SERPINI1: variants seen among roughly 807,000 people sequenced by gnomAD.
SERPINI1 encodes neuroserpin.
In SERPINI1, 19 loss-of-function variants were observed where a neutral mutation model predicts 41.1. The ratio of observed to expected loss-of-function variants is 0.46; its 90% CI spans 0.32 to 0.68. The LOEUF (loss-of-function observed/expected upper bound fraction) is 0.68, where lower values mean the gene tolerates loss of function less well. Ranked by LOEUF, SERPINI1 falls within the 30% of genes least tolerant of loss-of-function variation. The pLI is 0.03. For missense variants in SERPINI1, 460 were observed against 479.2 expected (o/e 0.96, Z 0.37); for synonymous variants, 138 against 156.6 (o/e 0.88, Z 0.89).
chr3:167,782,202 T>C (rs1459551746), intron 1 of SERPINI1, among the ~76,000 whole-genome samples: 1 of 152,210 alleles, frequency 6.6e-6, no homozygotes, highest in African/African-American at 2.4e-5. Flanking sequence ...AATGTATTGA[T>C]TATTATGATT....
At chr3:167,766,397 T>C (rs1390630557) in intron 1 of SERPINI1, among the ~76,000 whole-genome samples, 2 of 152,116 alleles carry the variant, frequency 1.3e-5, no homozygotes. Context: ...TCAGATCCCT[T>C]GAGATTTATT....
chr3:167,745,148 G>C (rs539764756), intron 1 of SERPINI1, among the ~76,000 whole-genome samples: 2 of 151,484 alleles, frequency 1.3e-5, no homozygotes, highest in East Asian at 3.9e-4. Context: ...TTAAGAAATA[G>C]AAAATTCAAA....
chr3:167,787,324 G>T lies in SERPINI1; in HGVS notation c.-18-1787G>T, dbSNP rs1203994895. Among the ~76,000 whole-genome samples, 10 of 152,300 alleles carry T rather than the reference G, an allele frequency of 6.6e-5. No individual in the cohort carries two copies. The South Asian group carries it at 1.4e-3, about 22-fold the overall frequency. ...TATGGTATAGTAAATACATAAACCAGTAACACAGTCATTTATTATCATTAT... is the reference window on the plus strand; with the variant it reads ...TATGGTATAGTAAATACATAAACCATTAACACAGTCATTTATTATCATTAT... On this transcript the variant is annotated intron_variant, in intron 1 of 8. Transcript: ENST00000446050.
At chr3:167,822,369 A>G (rs1712364369) in intron 6 of SERPINI1, among the ~76,000 whole-genome samples, 1 of 152,220 alleles carries the variant, frequency 6.6e-6, no homozygotes, top group Admixed American at 6.5e-5. Flanking sequence ...AGGCATAAAT[A>G]GGAAGGGAAA....
intron 1 of SERPINI1, among the ~76,000 whole-genome samples, chr3:167,736,817 A>G (rs909069626): frequency 6.6e-6 from 1 of 152,202 alleles, no homozygotes; most frequent in African/African-American, 2.4e-5. Flanking sequence ...CCTTTGTGTA[A>G]TTATGACAAA....
At chr3:167,756,745 C>T (rs1341478971) in intron 1 of SERPINI1, among the ~76,000 whole-genome samples, 1 of 152,164 alleles carries the variant, frequency 6.6e-6, no homozygotes. Context: ...GCCATAAAAG[C>T]AATTTCTAGT....
chr3:167,785,114 G>A (rs1302527474), intron 1 of SERPINI1, among the ~76,000 whole-genome samples: 11 of 152,040 alleles, frequency 7.2e-5, no homozygotes, highest in Non-Finnish European at 1.5e-4. Flanking sequence ...GGTGGCATGC[G>A]CCTGTAGTAG....
In SERPINI1 at chr3:167,824,395, G is replaced by A. The variant is rs1712446915; in HGVS notation, c.1067-78G>A. ...TGTTGTCTTTGCATTAGGTGGATAG[G>A]CATAGATGGTTTTGAGGAATTACTC... On this transcript the variant is annotated intron_variant, in intron 7 of 8. Coordinates refer to ENST00000446050, the MANE Select transcript of SERPINI1 (RefSeq NM_001122752.2). The A allele has an allele frequency of 2.9e-6, 3 of 1,044,482 alleles. No individual in the cohort carries two copies. In the South Asian group the frequency reaches 3.9e-5, roughly 14 times the overall value. 64.7% of individuals were successfully genotyped at this position (1,044,482 alleles called of 1,614,324 possible).
intron 6 of SERPINI1, among the ~76,000 whole-genome samples, chr3:167,809,477 G>T (rs2108568440): frequency 6.6e-6 from 1 of 152,282 alleles, no homozygotes; most frequent in East Asian, 1.9e-4. Flanking sequence ...ATTGTGGTCA[G>T]TGTAGCTTAT....
chr3:167,813,659 G>T (rs1711969005), intron 6 of SERPINI1, among the ~76,000 whole-genome samples: 1 of 152,108 alleles, frequency 6.6e-6, no homozygotes, highest in Non-Finnish European at 1.5e-5. Context: ...GTAGCACTTT[G>T]CACACACCTC....
Position 167,793,596 on chromosome 3 carries a change from A to ATATATAT in SERPINI1, c.676+813_676+814insATATATT. Among the ~76,000 whole-genome samples, 744 of 140,584 alleles carry ATATATAT rather than the reference A, an allele frequency of 5.3e-3. 4 individuals are homozygous for ATATATAT. Among genetic ancestry groups the ATATATAT allele is most frequent in the South Asian group, 0.011 (50 of 4,578 alleles). 92.2% of individuals were successfully genotyped at this position (140,584 alleles called of 152,430 possible). A position where few individuals can be genotyped will look rare whatever the true frequency, so the allele number is the denominator to read the frequency against. ...TACAAATATATATATATATATATAT[A>ATATATAT]TTTTTAATTAGCTAGGCATAATGGT... On this transcript the variant is annotated intron_variant, in intron 4 of 8. Coordinates refer to ENST00000446050, the MANE Select transcript of SERPINI1 (RefSeq NM_001122752.2).
chr3:167,749,056 T>G (rs1394035216), intron 1 of SERPINI1, among the ~76,000 whole-genome samples: 1 of 152,166 alleles, frequency 6.6e-6, no homozygotes, highest in African/African-American at 2.4e-5. Context: ...TTTACAAGGA[T>G]TATATTTATG....
intron 6 of SERPINI1, among the ~76,000 whole-genome samples, chr3:167,810,070 T>C (rs1179737872): frequency 6.6e-6 from 1 of 152,170 alleles, no homozygotes; most frequent in East Asian, 1.9e-4. Context: ...CACACACACA[T>C]TAATTTATGA....
chr3:167,756,942 A>C (rs1489365916), intron 1 of SERPINI1, among the ~76,000 whole-genome samples: 2 of 152,144 alleles, frequency 1.3e-5, no homozygotes, highest in Non-Finnish European at 2.9e-5. Flanking sequence ...AGACTTAGTG[A>C]CTCTATGTAA....
At chr3:167,802,779 A>G (rs1418708786) in intron 5 of SERPINI1, among the ~76,000 whole-genome samples, 2 of 149,808 alleles carry the variant, frequency 1.3e-5, no homozygotes, top group Admixed American at 1.3e-4. Flanking sequence ...ATTACTGGGT[A>G]TATACCCAAA....
At chr3:167,805,203 G>A (rs1406436969) in intron 5 of SERPINI1, among the ~76,000 whole-genome samples, 1 of 152,098 alleles carries the variant, frequency 6.6e-6, no homozygotes, top group Non-Finnish European at 1.5e-5. Context: ...AGCCTCGCTA[G>A]CATCTGTTGT....
intron 5 of SERPINI1, among the ~76,000 whole-genome samples, chr3:167,804,756 T>C (rs1356490287): frequency 2.0e-5 from 3 of 152,150 alleles, no homozygotes; most frequent in Non-Finnish European, 4.4e-5. Flanking sequence ...AGCAGGAGAA[T>C]TGCTTGAGCC....
chr3:167,748,752 CTG>C (rs34438429), intron 1 of SERPINI1, among the ~76,000 whole-genome samples: 15,150 of 143,406 alleles, frequency 0.11, 923 homozygotes, highest in African/African-American at 0.16. Context: ...GTGTGTTACT[CTG>C]TGTGTGTGTG....
Position 167,792,591 on chromosome 3 carries a change from T to C in SERPINI1, c.483T>C (p.Asn161=). ...ATCTATTCATTTTTTCCTAAATAGA[T>C]CTGGTGAAAGATTTGGTATCCCCAA... ...INKWVENNTN[N]LVKDLVSPRD... The change falls in exon 4 of 9, where the codon AAT becomes AAC. Residue 161 remains asparagine (N), a splice_region_variant and synonymous_variant. Coordinates refer to ENST00000446050, the MANE Select transcript of SERPINI1 (RefSeq NM_001122752.2). 1 of 1,613,014 alleles carries C rather than the reference T, an allele frequency of 6.2e-7. No homozygotes were observed. Among genetic ancestry groups the C allele is most frequent in the Non-Finnish European group, 8.5e-7 (1 of 1,179,392 alleles).
Sources: allele counts gnomAD v4.1 joint callset (sites outside exome capture counted in the v4.1 genomes callset), GRCh38; gene constraint gnomAD v4.1.1; transcripts MANE v1.5; gene names NCBI Gene and HGNC (gene_info 2026-07-23, HGNC 2026-07-21).